Variants in WWOX observed in about 807,000 individuals in gnomAD.
The protein encoded by WWOX is WW domain-containing oxidoreductase.
A neutral mutation model predicts 46.2 loss-of-function variants in WWOX; 69 were observed. The ratio of observed to expected loss-of-function variants is 1.49; its 90% CI spans 1.23 to 1.82. WWOX has a LOEUF of 1.82. WWOX is among the 40% of genes most tolerant of loss of function. The pLI is 0.00. For synonymous variants in WWOX, 359 were observed against 202.6 expected (o/e 1.77, Z -6.56); for missense variants, 919 against 542.6 (o/e 1.69, Z -6.89).
intron 5 of WWOX, among the ~76,000 whole-genome samples, chr16:78,358,698 G>T (rs1330455369): frequency 6.6e-6 from 1 of 151,536 alleles, no homozygotes; most frequent in Non-Finnish European, 1.5e-5. Flanking sequence ...GTGTGTGTAT[G>T]TACATGAATT....
At chr16:78,472,298 C>A (rs181856490) in intron 8 of WWOX, among the ~76,000 whole-genome samples, 2 of 152,270 alleles carry the variant, frequency 1.3e-5, no homozygotes, top group African/African-American at 4.8e-5. Flanking sequence ...AGCCTCTTAT[C>A]TCATAAGCCA....
At position 78,314,553 on chromosome 16, in the gene WWOX, T is replaced by A. The variant is rs1330542398; in HGVS notation, c.517-72307T>A. Reference sequence around the variant, plus strand: ...TTTTTTTTTTTTTTGAGTCGGAGTTTTGCTCTTGTCGCCCAGGCTGGAGTG... The same window carrying A: ...TTTTTTTTTTTTTTGAGTCGGAGTTATGCTCTTGTCGCCCAGGCTGGAGTG... On this transcript the variant is annotated intron_variant, in intron 5 of 8. Coordinates refer to ENST00000566780, the MANE Select transcript of WWOX (RefSeq NM_016373.4). 6.6e-3 allele frequency among the ~76,000 whole-genome samples: 976 copies of A among 148,790 alleles called. 13 individuals are homozygous for A. Among genetic ancestry groups the A allele is most frequent in the African/African-American group, 0.023 (925 of 40,428 alleles).
chr16:78,728,962 C>A (rs1007454974), intron 8 of WWOX, among the ~76,000 whole-genome samples: 22 of 152,086 alleles, frequency 1.4e-4, no homozygotes, highest in African/African-American at 4.3e-4. Flanking sequence ...GACTTTATTT[C>A]CTAAGTGAGA....
At chr16:79,084,136 C>G (rs2048812256) in intron 8 of WWOX, among the ~76,000 whole-genome samples, 1 of 152,006 alleles carries the variant, frequency 6.6e-6, no homozygotes, top group Non-Finnish European at 1.5e-5. Flanking sequence ...ATTGAGGAGA[C>G]CAAAGGAGGG....
At chr16:79,169,818 A>C (rs1244430714) in intron 8 of WWOX, among the ~76,000 whole-genome samples, 1 of 152,116 alleles carries the variant, frequency 6.6e-6, no homozygotes, top group Admixed American at 6.5e-5. Context: ...TCCTGACTCT[A>C]AATAGTGGGA....
intron 5 of WWOX, among the ~76,000 whole-genome samples, chr16:78,252,859 T>C (rs1179737101): frequency 6.6e-6 from 1 of 152,228 alleles, no homozygotes; most frequent in Non-Finnish European, 1.5e-5. Flanking sequence ...GAATTATGCA[T>C]GCATTACAAA....
chr16:78,674,682 T>A (rs927247926), intron 8 of WWOX, among the ~76,000 whole-genome samples: 2 of 152,198 alleles, frequency 1.3e-5, no homozygotes, highest in African/African-American at 4.8e-5. Context: ...CTAACCTGTT[T>A]TAAAATACTT....
intron 4 of WWOX, among the ~76,000 whole-genome samples, chr16:78,130,398 G>A (rs143340919): frequency 6.6e-6 from 1 of 152,162 alleles, no homozygotes; most frequent in Non-Finnish European, 1.5e-5. Context: ...CCCCAAGAAC[G>A]TGACCATGCT....
intron 8 of WWOX, among the ~76,000 whole-genome samples, chr16:79,151,642 C>G (rs2050281126): frequency 6.6e-6 from 1 of 151,890 alleles, no homozygotes; most frequent in Non-Finnish European, 1.5e-5. Context: ...ATGCAGAGGC[C>G]ATGCCTGCAG....
intron 8 of WWOX, among the ~76,000 whole-genome samples, chr16:78,853,199 G>C (rs947875306): frequency 3.9e-5 from 6 of 152,092 alleles, no homozygotes; most frequent in Non-Finnish European, 8.8e-5. Flanking sequence ...ATAGTAAATA[G>C]CAGGTATAAT....
At chr16:79,178,357 C>A (rs1465042971) in intron 8 of WWOX, among the ~76,000 whole-genome samples, 1 of 152,110 alleles carries the variant, frequency 6.6e-6, no homozygotes, top group Non-Finnish European at 1.5e-5. Context: ...CACTGTGTCA[C>A]CCAGGCTGGA....
intron 8 of WWOX, among the ~76,000 whole-genome samples, chr16:79,160,337 A>G (rs936283340): frequency 6.6e-6 from 1 of 152,150 alleles, no homozygotes; most frequent in Non-Finnish European, 1.5e-5. Flanking sequence ...TGTGGCACCA[A>G]GCGGGAGGTG....
chr16:79,039,475 G>T (rs550256073), intron 8 of WWOX, among the ~76,000 whole-genome samples: 3 of 152,130 alleles, frequency 2.0e-5, no homozygotes, highest in East Asian at 1.9e-4. Flanking sequence ...AACCAGAGGC[G>T]ACGCATTTGC....
chr16:79,069,339 C>A (rs140431453), intron 8 of WWOX, among the ~76,000 whole-genome samples: 264 of 152,310 alleles, frequency 1.7e-3, no homozygotes, highest in African/African-American at 5.7e-3. Flanking sequence ...CATGAGCTTC[C>A]AGCAAAAGAG....
At chr16:79,083,326 C>A (rs1188454837) in intron 8 of WWOX, among the ~76,000 whole-genome samples, 2 of 152,178 alleles carry the variant, frequency 1.3e-5, no homozygotes, top group African/African-American at 4.8e-5. Context: ...CTGACCCCTT[C>A]CTATGCCCCA....
At chr16:78,912,816 T>C (rs796456916) in intron 8 of WWOX, among the ~76,000 whole-genome samples, 4 of 151,982 alleles carry the variant, frequency 2.6e-5, no homozygotes, top group Non-Finnish European at 4.4e-5. Context: ...GAGGAAGATA[T>C]ACAAGGTTCT....
intron 8 of WWOX, among the ~76,000 whole-genome samples, chr16:78,924,171 C>G (rs995225867): frequency 6.6e-6 from 1 of 152,096 alleles, no homozygotes; most frequent in Admixed American, 6.6e-5. Context: ...AGAAAGAAGG[C>G]TGGGTAGACC....
At chr16:78,406,879 G>A (rs2151947299) in intron 6 of WWOX, among the ~76,000 whole-genome samples, 1 of 152,302 alleles carries the variant, frequency 6.6e-6, no homozygotes, top group African/African-American at 2.4e-5. Flanking sequence ...GCCCGCTTCA[G>A]CCTCCCAAAG....
Position 78,422,744 on chromosome 16 carries a change from TATACAC to T in WWOX, c.606-2122_606-2117del, listed in dbSNP as rs1567563436. On this transcript the variant is annotated intron_variant, in intron 6 of 8. Coordinates refer to ENST00000566780, the MANE Select transcript of WWOX (RefSeq NM_016373.4). The stretch of plus-strand genomic sequence containing the variant: ...ACATATATATATACACACACATATA[TATACAC>T]ATATATACACATATATATACACACA... Among the ~76,000 whole-genome samples the T allele has an allele frequency of 1.3e-3, 138 of 107,800 alleles. 4 individuals are homozygous for T. The highest frequency in any genetic ancestry group is 7.9e-3 in the Middle Eastern group (2 of 254). The allele number at this position is 107,800 out of a possible 152,430, so 70.7% of individuals were successfully genotyped here.
Sources: gnomAD v4.1 joint callset for allele counts (sites outside exome capture counted in the v4.1 genomes callset) on GRCh38, gnomAD v4.1.1 for gene constraint, MANE v1.5 for transcripts, NCBI Gene and HGNC (gene_info 2026-07-23, HGNC 2026-07-21) for gene names.